Variants in CLTA observed in about 807,000 individuals in gnomAD.
CLTA encodes clathrin light chain A.
Under a neutral mutation model 26.9 loss-of-function variants are expected in CLTA, and 9 were observed. The observed-to-expected ratio is 0.33, with a 90% CI of 0.20 to 0.58. The LOEUF is 0.58. Ranked by LOEUF, CLTA falls within the 20% of genes least tolerant of loss-of-function variation. The pLI is 0.85. For synonymous variants in CLTA, 120 were observed against 115.5 expected (o/e 1.04, Z -0.25); for missense variants, 278 against 294.2 (o/e 0.94, Z 0.40).
At chr9:36,204,253 G>A in intron 4 of CLTA, 74 bp downstream of exon 4, 2 of 1,511,290 alleles carry the variant, frequency 1.3e-6, no homozygotes, top group Non-Finnish European at 1.8e-6. Flanking sequence ...TCCAGTCTCG[G>A]TTTTTGGCTT....
At chr9:36,203,091 C>T (rs1004884771) in intron 3 of CLTA, among the ~76,000 whole-genome samples, 10 of 152,056 alleles carry the variant, frequency 6.6e-5, no homozygotes, top group African/African-American at 2.4e-4. Flanking sequence ...CCTCGGCCTC[C>T]CAAAGTGTTG....
intron 4 of CLTA, among the ~76,000 whole-genome samples, chr9:36,204,450 G>A (rs1827601600): frequency 6.6e-6 from 1 of 152,120 alleles, no homozygotes; most frequent in Non-Finnish European, 1.5e-5. Context: ...CAAGGGAAAA[G>A]TTACTTTCCA....
intron 1 of CLTA, among the ~76,000 whole-genome samples, chr9:36,193,337 A>G (rs1368447764): frequency 2.0e-5 from 3 of 146,754 alleles, no homozygotes; most frequent in Non-Finnish European, 3.0e-5. Context: ...TTTTTTAAAG[A>G]TATGCTCTAG....
intron 3 of CLTA, among the ~76,000 whole-genome samples, chr9:36,202,147 G>A (rs1827451425): frequency 1.3e-5 from 2 of 152,066 alleles, no homozygotes; most frequent in Admixed American, 1.3e-4. Context: ...ATATACTTTA[G>A]AGTCATCAGT....
intron 3 of CLTA, among the ~76,000 whole-genome samples, chr9:36,200,091 T>C (rs1212814906): frequency 6.6e-6 from 1 of 152,316 alleles, no homozygotes; most frequent in East Asian, 1.9e-4. Flanking sequence ...GTGTCACCTG[T>C]TGGTTCATGA....
At chr9:36,201,562 C>G (rs1186265144) in intron 3 of CLTA, among the ~76,000 whole-genome samples, 1 of 152,144 alleles carries the variant, frequency 6.6e-6, no homozygotes, top group East Asian at 1.9e-4. Context: ...TATTTAATTT[C>G]ATTTTTCAGA....
chr9:36,190,987 CGGGCGTGGTGTCGGT>C lies in CLTA; in HGVS notation c.-66_-52del, dbSNP rs1245332417. The C allele has an allele frequency of 1.4e-6, 2 of 1,463,442 alleles. No homozygotes were observed. Among genetic ancestry groups the C allele is most frequent in the African/African-American group, 2.9e-5 (2 of 68,178 alleles). 90.7% of individuals were successfully genotyped at this position (1,463,442 alleles called of 1,614,324 possible). A position where few individuals can be genotyped will look rare whatever the true frequency, so the allele number is the denominator to read the frequency against. On this transcript the variant is annotated 5_prime_UTR_variant, in exon 1 of 5. Coordinates refer to ENST00000345519, the MANE Select transcript of CLTA (RefSeq NM_001833.4). ...CAGTCGGCACCACAGCGGTGGCTGC[CGGGCGTGGTGTCGGT>C]GGGTCGGTTGGTTTTTGTCTCACCG...
In CLTA at chr9:36,201,229, T is replaced by C. The variant is rs1827382134; in HGVS notation, c.373+2133T>C. Among the ~76,000 whole-genome samples, 6 of 152,250 alleles carry C rather than the reference T, an allele frequency of 3.9e-5. No individual in the cohort carries two copies. The South Asian group carries it at 1.2e-3, about 31-fold the overall frequency. On this transcript the variant is annotated intron_variant, in intron 3 of 4. Transcript: ENST00000345519. ...ACTTGGTTCATGAACAAGGTGTTCCTTCAATTTCACCTTTTTTCCTTGCAA... is the reference window on the plus strand; with the variant it reads ...ACTTGGTTCATGAACAAGGTGTTCCCTCAATTTCACCTTTTTTCCTTGCAA...
chr9:36,199,019 A>G lies in CLTA; in HGVS notation c.296A>G (p.Gln99Arg), dbSNP rs771438616. 5 of 1,613,958 alleles carry G rather than the reference A, an allele frequency of 3.1e-6. No individual in the cohort carries two copies. In the African/African-American group the frequency reaches 6.7e-5, roughly 22 times the overall value. ...GPTDSYAAISQVDRLQSEPES... is the reference protein window; with the variant it reads ...GPTDSYAAISRVDRLQSEPES... ...ACAGACAGTTATGCAGCTATTTCAC[A>G]AGTGGATCGATTGCAGTCAGAGCCT... The change falls in exon 3 of 5, where the codon CAA (glutamine) becomes CGA (arginine). Residue 99 changes from glutamine (Q) to arginine (R), a missense_variant. Physicochemically the swap from Gln to Arg is conservative, Grantham distance 43. Coordinates refer to ENST00000345519, the MANE Select transcript of CLTA (RefSeq NM_001833.4).
rs753297379 is a variant in CLTA at position 36,211,824 on chromosome 9, G to T, written c.*50G>T. ...ATCTGCAATATCTTAATCCTACTCA[G>T]TGAAGCTCTTCACAGTCATTGGATT... On this transcript the variant is annotated 3_prime_UTR_variant, in exon 5 of 5. Transcript: ENST00000345519. 2.1e-6 allele frequency: 3 copies of T among 1,449,618 alleles called. No individual in the cohort carries two copies. In the East Asian group the frequency reaches 6.9e-5, roughly 33 times the overall value. 89.8% of individuals were successfully genotyped at this position (1,449,618 alleles called of 1,614,324 possible).
At chr9:36,190,899 A>T, upstream of CLTA, 1 of 1,310,380 alleles carries the variant, frequency 7.6e-7, no homozygotes, top group Non-Finnish European at 1.0e-6. Flanking sequence ...GCCTAGACCG[A>T]CCGGATACAC....
intron 1 of CLTA, among the ~76,000 whole-genome samples, chr9:36,192,825 G>A (rs1348229818): frequency 2.0e-5 from 3 of 152,314 alleles, no homozygotes; most frequent in Middle Eastern, 3.4e-3. Flanking sequence ...GGTGTAGTGC[G>A]ATAACAGACA....
rs11377472 is a variant in CLTA, at chr9:36,199,617, A to ATT, written c.373+530_373+531dup. Among the ~76,000 whole-genome samples, 1,413 of 146,696 alleles carry ATT rather than the reference A, an allele frequency of 9.6e-3. 25 individuals are homozygous for ATT. Among genetic ancestry groups the ATT allele is most frequent in the African/African-American group, 0.032 (1,260 of 39,974 alleles). ...AGGCGCCCGCCACTACGTCCCGCTC[A>ATT]TTTTTTTTTTGTATTTTTAGTAGAG... On this transcript the variant is annotated intron_variant, in intron 3 of 4. Transcript: ENST00000345519.
chr9:36,210,670 AC>A lies in CLTA; in HGVS notation c.486-931del, dbSNP rs1442436357. On this transcript the variant is annotated intron_variant, in intron 4 of 4. Coordinates refer to ENST00000345519, the MANE Select transcript of CLTA (RefSeq NM_001833.4). ...GCTACAGCCTAGAACAGTTAAGTAA[AC>A]CTTTCTCACTGCCCCTAACTGTGTG... 1.9e-6 allele frequency: 3 copies of A among 1,614,086 alleles called. No individual in the cohort carries two copies. In the East Asian group the frequency reaches 6.7e-5, roughly 36 times the overall value.
intron 1 of CLTA, among the ~76,000 whole-genome samples, chr9:36,193,729 G>A (rs752814944): frequency 2.0e-5 from 3 of 152,186 alleles, no homozygotes; most frequent in Non-Finnish European, 2.9e-5. Context: ...CCAGCCTTGC[G>A]GAAAGCGTCT....
intron 1 of CLTA, among the ~76,000 whole-genome samples, chr9:36,195,491 A>G (rs906101626): frequency 3.3e-5 from 5 of 152,230 alleles, no homozygotes; most frequent in African/African-American, 1.2e-4. Context: ...GATTGGCACA[A>G]CAAAGCCACC....
intron 4 of CLTA, among the ~76,000 whole-genome samples, chr9:36,207,120 C>T (rs546734739): frequency 6.6e-6 from 1 of 152,294 alleles, no homozygotes; most frequent in East Asian, 1.9e-4. Flanking sequence ...CACCAAAGCA[C>T]TAGGAGCACG....
At chr9:36,193,100 C>T (rs146427505) in intron 1 of CLTA, among the ~76,000 whole-genome samples, 5 of 152,286 alleles carry the variant, frequency 3.3e-5, no homozygotes, top group Non-Finnish European at 7.4e-5. Context: ...GTTGGATGCT[C>T]GGTCCTTTGT....
chr9:36,207,102 C>A (rs904824778), intron 4 of CLTA, among the ~76,000 whole-genome samples: 3 of 152,080 alleles, frequency 2.0e-5, no homozygotes, highest in African/African-American at 7.2e-5. Flanking sequence ...GCTGCCTCAC[C>A]ACTGGGTCAC....
Sources: allele counts gnomAD v4.1 joint callset (sites outside exome capture counted in the v4.1 genomes callset), GRCh38; gene constraint gnomAD v4.1.1; transcripts MANE v1.5; gene names NCBI Gene and HGNC (gene_info 2026-07-23, HGNC 2026-07-21).